The following CRPPA variants were observed in gnomAD, a reference collection of about 807,000 sequenced individuals.
CRPPA encodes CDP-L-ribitol pyrophosphorylase A.
In CRPPA, 43 loss-of-function variants were observed where a neutral mutation model predicts 52.0. The ratio of observed to expected loss-of-function variants is 0.83; its 90% CI spans 0.65 to 1.07. CRPPA has a LOEUF of 1.07. Ranked by LOEUF, CRPPA falls within the 50% of genes least tolerant of loss-of-function variation. The pLI is 0.00. For missense variants in CRPPA, 629 were observed against 551.7 expected, an observed-to-expected ratio of 1.14 and a Z score of -1.40; for synonymous variants, 250 against 203.5, an observed-to-expected ratio of 1.23 and a Z score of -1.94.
Position 16,421,451 on chromosome 7 carries a change from G to A in CRPPA, c.-129C>T. On this transcript the variant is annotated 5_prime_UTR_variant, in exon 1 of 10. Transcript: ENST00000407010. ...GGGACGCAGAGCGCGCAAGCAGAAGGCGCCCCCCTCAGCCGTCGGAGCCCC... is the reference window on the plus strand; with the variant it reads ...GGGACGCAGAGCGCGCAAGCAGAAGACGCCCCCCTCAGCCGTCGGAGCCCC... 1 of 957,584 alleles carries A rather than the reference G, an allele frequency of 1.0e-6. No individual in the cohort carries two copies. Among genetic ancestry groups the A allele is most frequent in the South Asian group, 5.4e-5 (1 of 18,468 alleles). 59.3% of individuals were successfully genotyped at this position (957,584 alleles called of 1,614,324 possible). A position where few individuals can be genotyped will look rare whatever the true frequency, so the allele number is the denominator to read the frequency against.
At chr7:16,282,656 A>G (rs1392972102) in intron 5 of CRPPA, among the ~76,000 whole-genome samples, 1 of 152,102 alleles carries the variant, frequency 6.6e-6, no homozygotes, top group Non-Finnish European at 1.5e-5. Context: ...AACAAAAATT[A>G]AGAAAAAATA....
chr7:16,326,235 C>A (rs552797130), intron 3 of CRPPA, among the ~76,000 whole-genome samples: 3 of 152,084 alleles, frequency 2.0e-5, no homozygotes, highest in South Asian at 4.1e-4. Flanking sequence ...ATATTCTCTC[C>A]CAAAGGATTA....
chr7:16,091,309 A>G lies in CRPPA; in HGVS notation c.*386T>C, dbSNP rs942257110. The G allele has an allele frequency of 5.9e-6, 1 of 170,308 alleles. No homozygotes were observed. Among genetic ancestry groups the G allele is most frequent in the African/African-American group, 2.4e-5 (1 of 41,588 alleles). 10.5% of individuals were successfully genotyped at this position (170,308 alleles called of 1,614,324 possible). ...ATTCTGAAGTTTATCCATTAGCTTC[A>G]TAATAGTGTAAATTATTAATTAACA... is the stretch of plus-strand genomic sequence containing the variant. On this transcript the variant is annotated 3_prime_UTR_variant, in exon 10 of 10. Coordinates refer to ENST00000407010, the MANE Select transcript of CRPPA (RefSeq NM_001101426.4).
chr7:16,107,034 T>A (rs75257958), intron 9 of CRPPA, among the ~76,000 whole-genome samples: 5,533 of 152,018 alleles, frequency 0.036, 335 homozygotes, highest in African/African-American at 0.12. Context: ...AGCAGAAGAA[T>A]CAATTAGCTG....
chr7:16,368,831 T>A (rs1438300283), intron 3 of CRPPA, among the ~76,000 whole-genome samples: 1 of 152,184 alleles, frequency 6.6e-6, no homozygotes, highest in Non-Finnish European at 1.5e-5. Flanking sequence ...TTGCCCATAC[T>A]TCCAATAATT....
intron 9 of CRPPA, among the ~76,000 whole-genome samples, chr7:16,141,068 A>T (rs1782860581): frequency 6.6e-6 from 1 of 152,088 alleles, no homozygotes; most frequent in Admixed American, 6.5e-5. Context: ...TTCCATGTTG[A>T]TTGGCATCTT....
At chr7:16,116,223 T>C (rs916735439) in intron 9 of CRPPA, among the ~76,000 whole-genome samples, 7 of 152,194 alleles carry the variant, frequency 4.6e-5, no homozygotes, top group African/African-American at 1.7e-4. Flanking sequence ...ATCCCTGATA[T>C]GATGCACTGA....
At chr7:16,277,767 C>T (rs1238215707) in intron 6 of CRPPA, among the ~76,000 whole-genome samples, 1 of 152,100 alleles carries the variant, frequency 6.6e-6, no homozygotes, top group Non-Finnish European at 1.5e-5. Context: ...TTCCCCCTCC[C>T]TCTTCATAAT....
intron 6 of CRPPA, among the ~76,000 whole-genome samples, chr7:16,265,601 T>C (rs1433197366): frequency 3.3e-5 from 5 of 152,188 alleles, no homozygotes; most frequent in Non-Finnish European, 7.3e-5. Flanking sequence ...CCAGTAGCAT[T>C]CATGTTTTGG....
chr7:16,243,121 G>A (rs913264144), intron 8 of CRPPA, among the ~76,000 whole-genome samples: 2 of 152,130 alleles, frequency 1.3e-5, no homozygotes, highest in African/African-American at 4.8e-5. Flanking sequence ...AAACATGGGG[G>A]TGGTTTCCCC....
At chr7:16,360,528 A>T (rs1229487526) in intron 3 of CRPPA, among the ~76,000 whole-genome samples, 1 of 152,208 alleles carries the variant, frequency 6.6e-6, no homozygotes, top group African/African-American at 2.4e-5. Context: ...AAGTAGTAGC[A>T]GTATAAAGAC....
At chr7:16,316,137 A>C (rs952814647) in intron 3 of CRPPA, among the ~76,000 whole-genome samples, 1 of 152,116 alleles carries the variant, frequency 6.6e-6, no homozygotes, top group African/African-American at 2.4e-5. Flanking sequence ...CAGATATTCT[A>C]TACAGAAGAG....
At chr7:16,132,040 G>C (rs1240616531) in intron 9 of CRPPA, among the ~76,000 whole-genome samples, 5 of 152,152 alleles carry the variant, frequency 3.3e-5, no homozygotes, top group Non-Finnish European at 7.3e-5. Flanking sequence ...GCCTAGCAGA[G>C]ATGCAGTGGG....
At chr7:16,412,925 C>G (rs984209898) in intron 1 of CRPPA, among the ~76,000 whole-genome samples, 2 of 152,170 alleles carry the variant, frequency 1.3e-5, no homozygotes, top group African/African-American at 4.8e-5. Context: ...TACAGGAATA[C>G]TCGGCCCAGA....
At chr7:16,354,132 A>G (rs1562649765) in intron 3 of CRPPA, among the ~76,000 whole-genome samples, 1 of 152,220 alleles carries the variant, frequency 6.6e-6, no homozygotes. Context: ...TAACACTGTC[A>G]GGTCACATTG....
chr7:16,109,494 G>A (rs1378039855), intron 9 of CRPPA, among the ~76,000 whole-genome samples: 1 of 151,696 alleles, frequency 6.6e-6, no homozygotes, highest in African/African-American at 2.4e-5. Flanking sequence ...AAAACTACAA[G>A]AAAATAAACT....
intron 2 of CRPPA, among the ~76,000 whole-genome samples, chr7:16,398,266 C>T (rs1042313425): frequency 5.9e-5 from 9 of 151,504 alleles, no homozygotes; most frequent in African/African-American, 1.9e-4. Flanking sequence ...CACACGTGAC[C>T]AGTGCATGAT....
chr7:16,362,701 T>C (rs1786488385), intron 3 of CRPPA, among the ~76,000 whole-genome samples: 1 of 152,222 alleles, frequency 6.6e-6, no homozygotes, highest in African/African-American at 2.4e-5. Context: ...TATCTCAATT[T>C]GTCATGTTAG....
chr7:16,303,393 C>A (rs11978075), intron 4 of CRPPA, among the ~76,000 whole-genome samples: 1 of 145,086 alleles, frequency 6.9e-6, no homozygotes, highest in African/African-American at 2.5e-5. Context: ...TTCATAGGCA[C>A]GGTAAGGTAA....
Sources: allele counts gnomAD v4.1 joint callset (sites outside exome capture counted in the v4.1 genomes callset), GRCh38; gene constraint gnomAD v4.1.1; transcripts MANE v1.5; gene names NCBI Gene and HGNC (gene_info 2026-07-23, HGNC 2026-07-21).